The following CRYBB1 variants were observed in gnomAD, a reference collection of about 807,000 sequenced individuals.
The protein encoded by CRYBB1 is beta-crystallin B1.
Under a neutral mutation model 29.5 loss-of-function variants are expected in CRYBB1, and 16 were observed. The observed-to-expected ratio is 0.54, with a 90% confidence interval of 0.37 to 0.82. The LOEUF (loss-of-function observed/expected upper bound fraction) is 0.82. Among genes scored for constraint, CRYBB1 ranks in the 40% least tolerant of loss-of-function variants. CRYBB1 has a pLI of 0.00. For missense variants in CRYBB1, 300 were observed against 350.5 expected, an observed-to-expected ratio of 0.86 and a Z score of 1.15; for synonymous variants, 127 against 136.7, an observed-to-expected ratio of 0.93 and a Z score of 0.49.
rs1928753125 is a variant in CRYBB1 at position 26,599,454 on chromosome 22, A to G, written c.*36T>C. ...ATGGGGGAAATAATTGAACATGAAG[A>G]AGGGTTGGGGCAAGGTAGCAGAGTG... On this transcript the variant is annotated 3_prime_UTR_variant, in exon 6 of 6. Coordinates refer to ENST00000647684, the MANE Select transcript of CRYBB1 (RefSeq NM_001887.4). 6.4e-7 allele frequency: 1 copy of G among 1,571,538 alleles called. No homozygotes were observed. The highest frequency in any genetic ancestry group is 8.7e-7 in the Non-Finnish European group (1 of 1,154,096).
intron 2 of CRYBB1, among the ~76,000 whole-genome samples, chr22:26,613,787 C>G (rs917188335): frequency 1.3e-5 from 2 of 152,206 alleles, no homozygotes; most frequent in Non-Finnish European, 2.9e-5. Context: ...AGAGAGATAA[C>G]CTTAAACTCT....
intron 5 of CRYBB1, 61 bp from the exon 6 acceptor site, chr22:26,599,734 C>T: frequency 7.4e-7 from 1 of 1,358,570 alleles, no homozygotes. Flanking sequence ...GGCACCCAGA[C>T]CCCTGCCAGA....
At chr22:26,613,248 A>G (rs1929237242) in intron 2 of CRYBB1, among the ~76,000 whole-genome samples, 1 of 152,186 alleles carries the variant, frequency 6.6e-6, no homozygotes, top group Non-Finnish European at 1.5e-5. Flanking sequence ...TGCCATTCAC[A>G]TGGACCAAGG....
chr22:26,616,176 G>A lies in CRYBB1; in HGVS notation c.144C>T (p.Ser48=), dbSNP rs368733100. Residue 48 remains serine, a synonymous_variant, in exon 2 of 6, where the codon AGC becomes AGT. Coordinates refer to ENST00000647684, the MANE Select transcript of CRYBB1 (RefSeq NM_001887.4). ...TLAPTTVPIT[S]AKAAELPPGN... ...CAGGAGGCAGTTCCGCCGCCTTGGC[G>A]CTGGTAATAGGCACGGTTGTTGGGG... The A allele has an allele frequency of 7.1e-5, 114 of 1,614,086 alleles. No homozygotes were observed. Among genetic ancestry groups the A allele is most frequent in the Non-Finnish European group, 9.1e-5 (107 of 1,180,044 alleles).
At chr22:26,610,163 G>C (rs951366908) in intron 3 of CRYBB1, among the ~76,000 whole-genome samples, 1 of 152,096 alleles carries the variant, frequency 6.6e-6, no homozygotes, top group Non-Finnish European at 1.5e-5. Flanking sequence ...ATTTCAACCC[G>C]CAAGCAGGGA....
At chr22:26,612,673 T>C (rs1297226636) in intron 2 of CRYBB1, among the ~76,000 whole-genome samples, 2 of 152,232 alleles carry the variant, frequency 1.3e-5, no homozygotes, top group South Asian at 2.1e-4. Flanking sequence ...ATTCTGAAGC[T>C]AAGATCTGCG....
At chr22:26,600,334 G>A (rs903952404) in intron 5 of CRYBB1, among the ~76,000 whole-genome samples, 34 of 152,058 alleles carry the variant, frequency 2.2e-4, no homozygotes, top group African/African-American at 7.5e-4. Context: ...CCCAGGAGGC[G>A]GAGCTTGCAG....
intron 4 of CRYBB1, among the ~76,000 whole-genome samples, chr22:26,603,192 C>T (rs1342283835): frequency 6.6e-6 from 1 of 150,668 alleles, no homozygotes; most frequent in Non-Finnish European, 1.5e-5. Flanking sequence ...TGATCTTGGA[C>T]ATTTTACTCT....
chr22:26,610,425 G>A (rs943166083), intron 3 of CRYBB1, among the ~76,000 whole-genome samples: 5 of 152,042 alleles, frequency 3.3e-5, no homozygotes, highest in African/African-American at 7.2e-5. Context: ...CATCAGGCAC[G>A]GCTCCAAGGC....
chr22:26,604,108 G>C (rs180738303), intron 4 of CRYBB1, among the ~76,000 whole-genome samples: 1 of 151,938 alleles, frequency 6.6e-6, no homozygotes, highest in African/African-American at 2.4e-5. Context: ...AGGCCCAAGG[G>C]TTTGAAGAGC....
At chr22:26,600,487 G>T (rs1350182983) in intron 5 of CRYBB1, among the ~76,000 whole-genome samples, 1 of 152,136 alleles carries the variant, frequency 6.6e-6, no homozygotes, top group Non-Finnish European at 1.5e-5. Context: ...AAATATATGT[G>T]GGTTCAAATC....
At chr22:26,601,768 G>A in intron 5 of CRYBB1, 111 bp downstream of exon 5, 1 of 1,555,072 alleles carries the variant, frequency 6.4e-7, no homozygotes, top group Non-Finnish European at 8.7e-7. Flanking sequence ...GACTGTGGAA[G>A]GGGCCATGGC....
Position 26,612,812 on chromosome 22 carries a change from G to A in CRYBB1, c.181-622C>T, listed in dbSNP as rs375718945. Among the ~76,000 whole-genome samples the A allele has an allele frequency of 3.9e-5, 6 of 152,210 alleles. No individual in the cohort carries two copies. The East Asian group carries it at 5.8e-4, about 15-fold the overall frequency. On this transcript the variant is annotated intron_variant, in intron 2 of 5. Transcript: ENST00000647684. ...CTGCCTAACTGAAGTTCCCTAATACGCATTCCAGCTCGTTATTCTGTTTTA... is the reference window on the plus strand; with the variant it reads ...CTGCCTAACTGAAGTTCCCTAATACACATTCCAGCTCGTTATTCTGTTTTA...
At chr22:26,601,844 G>A (rs752132048) in intron 5 of CRYBB1, 35 bp downstream of exon 5, 14 of 1,611,316 alleles carry the variant, frequency 8.7e-6, no homozygotes, top group Non-Finnish European at 1.2e-5. Context: ...TGTGCTTGAA[G>A]CAGGGGACGC....
Position 26,611,469 on chromosome 22 carries a change from G to T in CRYBB1, c.299+603C>A, listed in dbSNP as rs141097235. Among the ~76,000 whole-genome samples the T allele has an allele frequency of 5.4e-3, 713 of 133,142 alleles. 9 individuals carry two copies. The highest frequency in any genetic ancestry group is 0.012 in the African/African-American group (447 of 36,186). 87.3% of individuals were successfully genotyped at this position (133,142 alleles called of 152,430 possible). A position where few individuals can be genotyped will look rare whatever the true frequency, so the allele number is the denominator to read the frequency against. Reference sequence around the variant, plus strand: ...GCTAGAGTTTGTTTTTTTTTTTTTTGTTTTTTTTTTTTTTTTGAGACGGAG... The same window carrying T: ...GCTAGAGTTTGTTTTTTTTTTTTTTTTTTTTTTTTTTTTTTTGAGACGGAG... On this transcript the variant is annotated intron_variant, in intron 3 of 5. Coordinates refer to ENST00000647684, the MANE Select transcript of CRYBB1 (RefSeq NM_001887.4).
At chr22:26,607,693 T>TA (rs1162737208) in intron 4 of CRYBB1, among the ~76,000 whole-genome samples, 196 bp downstream of exon 4, 1 of 152,158 alleles carries the variant, frequency 6.6e-6, no homozygotes, top group Non-Finnish European at 1.5e-5. Flanking sequence ...CCAGGGTTCC[T>TA]AGCTGGGTAT....
In CRYBB1 at chr22:26,612,120, G is replaced by C. The variant is rs1295568069; in HGVS notation, c.251C>G (p.Ala84Gly). 3.1e-6 allele frequency: 5 copies of C among 1,613,768 alleles called. No homozygotes were observed. Among genetic ancestry groups the C allele is most frequent in the East Asian group, 2.2e-5 (1 of 44,860 alleles). Residue 84 changes from alanine to glycine, a missense_variant, in exon 3 of 6, where the codon GCA (alanine) becomes GGA (glycine). By Grantham distance (60) the Ala-to-Gly change is moderately conservative. Transcript: ENST00000647684. Reference sequence around the variant, plus strand: ...GCGCACACGGTCGAAGCCACGGTCTGCCAGATTTGAGCACTCCCCCGAGAA... The same window carrying C: ...GCGCACACGGTCGAAGCCACGGTCTCCCAGATTTGAGCACTCCCCCGAGAA... ...AEFSGECSNL[A>G]DRGFDRVRSI...
intron 5 of CRYBB1, among the ~76,000 whole-genome samples, chr22:26,600,855 C>T (rs1928798178): frequency 6.6e-6 from 1 of 152,224 alleles, no homozygotes; most frequent in African/African-American, 2.4e-5. Context: ...TCCTAGAAAC[C>T]TCTCCTCCTC....
chr22:26,612,972 T>C (rs532994517), intron 2 of CRYBB1, among the ~76,000 whole-genome samples: 64 of 152,130 alleles, frequency 4.2e-4, no homozygotes, highest in Non-Finnish European at 7.5e-4. Context: ...CTGTTTTGCT[T>C]TGGGGTCTCC....
Sources: allele counts gnomAD v4.1 joint callset (sites outside exome capture counted in the v4.1 genomes callset), GRCh38; gene constraint gnomAD v4.1.1; transcripts MANE v1.5; gene names NCBI Gene and HGNC (gene_info 2026-07-23, HGNC 2026-07-21).